FYB1: variants seen among roughly 807,000 people sequenced by gnomAD.
FYB1 encodes the protein FYN binding protein 1, also known as FYN-binding protein 1.
A neutral mutation model predicts 94.1 loss-of-function variants in FYB1; 41 were observed. The observed-to-expected ratio is 0.44, with a 90% confidence interval of 0.34 to 0.57. FYB1 has a LOEUF of 0.57. FYB1 is among the 20% of genes least tolerant of loss of function. The probability of loss-of-function intolerance (pLI) is 0.02; values close to 1 mark genes in which losing one functional copy is unlikely to be tolerated. For missense variants in FYB1, 1,050 were observed against 976.8 expected (o/e 1.07, Z -1.00); for synonymous variants, 367 against 353.2 (o/e 1.04, Z -0.44).
At chr5:39,204,168 T>C (rs981615266) in intron 1 of FYB1, among the ~76,000 whole-genome samples, 1 of 152,278 alleles carries the variant, frequency 6.6e-6, no homozygotes, top group African/African-American at 2.4e-5. Context: ...TGCTCCCACC[T>C]CCTGACTCAT....
At chr5:39,271,067 T>C (rs1401119468) in intron 1 of FYB1, among the ~76,000 whole-genome samples, 4 of 152,068 alleles carry the variant, frequency 2.6e-5, no homozygotes, top group Non-Finnish European at 4.4e-5. Flanking sequence ...TTTCAAGTTT[T>C]CTATCTTGGG....
chr5:39,244,523 G>A (rs1751379354), intron 1 of FYB1, among the ~76,000 whole-genome samples: 1 of 152,134 alleles, frequency 6.6e-6, no homozygotes, highest in Non-Finnish European at 1.5e-5. Flanking sequence ...TTTTTGATGT[G>A]CTGCTGGATT....
chr5:39,182,692 C>A (rs1746371559), intron 2 of FYB1, among the ~76,000 whole-genome samples: 1 of 152,156 alleles, frequency 6.6e-6, no homozygotes. Flanking sequence ...GAGTACTTGG[C>A]ACATGGGTGA....
rs6899203 is a variant in FYB1, at chr5:39,127,619, A to G, written c.1907+122T>C. ...ACAATTGCTGTTAATTAAACATTCA[A>G]ATCATTTGGGGTAATGTGAGAAAGA... is the stretch of plus-strand genomic sequence containing the variant. On this transcript the variant is annotated intron_variant, in intron 11 of 18. Coordinates refer to ENST00000512982, the MANE Select transcript of FYB1 (RefSeq NM_001465.6). 1.3e-3 allele frequency: 1,374 copies of G among 1,080,916 alleles called. 15 individuals carry two copies. In the African/African-American group the frequency reaches 0.02, roughly 16 times the overall value. 67.0% of individuals were successfully genotyped at this position (1,080,916 alleles called of 1,614,324 possible).
chr5:39,117,273 G>C (rs1739662256), intron 16 of FYB1, among the ~76,000 whole-genome samples: 1 of 151,990 alleles, frequency 6.6e-6, no homozygotes, highest in Non-Finnish European at 1.5e-5. Context: ...TCTACCATAT[G>C]TCATGAGAGA....
intron 1 of FYB1, among the ~76,000 whole-genome samples, chr5:39,240,891 T>C (rs570180594): frequency 6.6e-6 from 1 of 152,278 alleles, no homozygotes; most frequent in Non-Finnish European, 1.5e-5. Flanking sequence ...CACAGCAATA[T>C]TCACAATAGC....
intron 1 of FYB1, among the ~76,000 whole-genome samples, chr5:39,231,160 A>C (rs201113749): frequency 2.6e-5 from 3 of 116,558 alleles, no homozygotes; most frequent in African/African-American, 1.4e-4. Context: ...AAAAAAAAAA[A>C]ACAAAAAAAA....
At chr5:39,172,368 C>T (rs1745325838) in intron 2 of FYB1, among the ~76,000 whole-genome samples, 1 of 152,056 alleles carries the variant, frequency 6.6e-6, no homozygotes. Flanking sequence ...ATCACTTGAA[C>T]CTGAGAGGCA....
At chr5:39,217,656 C>A (rs1192538534) in intron 1 of FYB1, among the ~76,000 whole-genome samples, 2 of 152,178 alleles carry the variant, frequency 1.3e-5, no homozygotes, top group Non-Finnish European at 2.9e-5. Context: ...ACAGCTGGTG[C>A]GTGGCAGAGA....
intron 2 of FYB1, among the ~76,000 whole-genome samples, chr5:39,194,656 T>C (rs532414795): frequency 1.3e-5 from 2 of 152,332 alleles, no homozygotes; most frequent in South Asian, 4.1e-4. Flanking sequence ...GTTTGTTTGC[T>C]GGCTTATCTT....
rs191697825 is a variant in FYB1 at position 39,145,486 on chromosome 5, C to A, written c.1293-4345G>T. On this transcript the variant is annotated intron_variant, in intron 3 of 18. Transcript: ENST00000512982. ...GTTGTCCAATCATTAATCAAAGATC[C>A]CCTGAAAATAATTCTAATTTAAATA... 2.5e-3 allele frequency among the ~76,000 whole-genome samples: 376 copies of A among 151,738 alleles called. 1 individual carries two copies. Among genetic ancestry groups the A allele is most frequent in the South Asian group, 0.018 (88 of 4,780 alleles).
intron 1 of FYB1, among the ~76,000 whole-genome samples, chr5:39,225,075 C>T (rs949486712): frequency 1.3e-5 from 2 of 152,172 alleles, no homozygotes; most frequent in South Asian, 4.1e-4. Context: ...GTGTCTGCTT[C>T]CCCACTTCGC....
At chr5:39,133,230 A>G (rs1447023731) in intron 9 of FYB1, among the ~76,000 whole-genome samples, 1 of 152,198 alleles carries the variant, frequency 6.6e-6, no homozygotes, top group Non-Finnish European at 1.5e-5. Flanking sequence ...TGAGTTATGA[A>G]GAATGCAGAC....
intron 17 of FYB1, among the ~76,000 whole-genome samples, chr5:39,108,869 T>C (rs1437481504): frequency 6.6e-6 from 1 of 152,094 alleles, no homozygotes; most frequent in Non-Finnish European, 1.5e-5. Flanking sequence ...TTACACATTT[T>C]AGGTTTTGCC....
At chr5:39,256,806 A>C (rs1195132754) in intron 1 of FYB1, among the ~76,000 whole-genome samples, 1 of 152,204 alleles carries the variant, frequency 6.6e-6, no homozygotes, top group African/African-American at 2.4e-5. Context: ...TGTCTCATGT[A>C]GTTGTGGGTA....
At chr5:39,186,176 C>T (rs971251956) in intron 2 of FYB1, among the ~76,000 whole-genome samples, 2 of 152,072 alleles carry the variant, frequency 1.3e-5, no homozygotes, top group African/African-American at 4.8e-5. Flanking sequence ...AGGCAACACA[C>T]ACACTTTGGG....
chr5:39,113,119 T>G (rs560263750), intron 16 of FYB1, among the ~76,000 whole-genome samples: 3 of 152,150 alleles, frequency 2.0e-5, no homozygotes, highest in Non-Finnish European at 4.4e-5. Flanking sequence ...TTCGTGACAG[T>G]GTCAAAACAA....
chr5:39,232,523 T>TTTATTTATTTATTTA (rs1554042917), intron 1 of FYB1, among the ~76,000 whole-genome samples: 19 of 150,770 alleles, frequency 1.3e-4, no homozygotes, highest in African/African-American at 4.7e-4. Flanking sequence ...TAAACATTTA[T>TTTATTTATTTATTTA]TTTATTTATT....
chr5:39,150,476 A>C (rs1743145589), intron 3 of FYB1, among the ~76,000 whole-genome samples: 1 of 152,136 alleles, frequency 6.6e-6, no homozygotes, highest in African/African-American at 2.4e-5. Context: ...CAATCTTTGG[A>C]ACACTTACTT....
Sources: allele counts gnomAD v4.1 joint callset (sites outside exome capture counted in the v4.1 genomes callset), GRCh38; gene constraint gnomAD v4.1.1; transcripts MANE v1.5; gene names NCBI Gene and HGNC (gene_info 2026-07-23, HGNC 2026-07-21).